CMTM4: variants seen among roughly 807,000 people sequenced by gnomAD.
The protein encoded by CMTM4 is CKLF-like MARVEL transmembrane domain-containing protein 4.
A neutral mutation model predicts 19.0 loss-of-function variants in CMTM4; 8 were observed. That is an observed-to-expected ratio of 0.42 (90% CI 0.25 to 0.76). The LOEUF (loss-of-function observed/expected upper bound fraction) is 0.76. CMTM4 is among the 30% of genes least tolerant of loss of function. The pLI is 0.27. For synonymous variants in CMTM4, 106 were observed against 121.1 expected (o/e 0.88, Z 0.82); for missense variants, 228 against 290.2 (o/e 0.79, Z 1.56).
chr16:66,683,188 T>TAC (rs1414584287), intron 1 of CMTM4, among the ~76,000 whole-genome samples: 1 of 95,914 alleles, frequency 1.0e-5, no homozygotes, highest in Non-Finnish European at 2.3e-5. Context: ...TATGTATATA[T>TAC]ATATACATAT....
intron 1 of CMTM4, among the ~76,000 whole-genome samples, chr16:66,692,337 AC>A (rs1052004874): frequency 1.2e-4 from 18 of 152,092 alleles, no homozygotes; most frequent in African/African-American, 4.3e-4. Context: ...TGATCCAGCC[AC>A]CTCGGACTCC....
chr16:66,695,178 C>T (rs190644042), intron 1 of CMTM4, among the ~76,000 whole-genome samples: 1 of 152,242 alleles, frequency 6.6e-6, no homozygotes, highest in East Asian at 1.9e-4. Flanking sequence ...GAAACCCCAT[C>T]TCTACTAAAA....
chr16:66,599,481 C>T, the CMTM4 span, among the ~76,000 whole-genome samples: 1 of 147,446 alleles, frequency 6.8e-6, no homozygotes, highest in African/African-American at 2.5e-5. Context: ...GTTTTGTTTG[C>T]TTGTTGTTTG....
intron 2 of CMTM4, among the ~76,000 whole-genome samples, chr16:66,626,711 T>C (rs2015746645): frequency 1.4e-5 from 2 of 146,350 alleles, no homozygotes; most frequent in South Asian, 4.3e-4. Context: ...CAGAGGTTGC[T>C]GTGAGCCCAG....
At chr16:66,672,637 T>C (rs1361556446) in intron 1 of CMTM4, among the ~76,000 whole-genome samples, 1 of 151,546 alleles carries the variant, frequency 6.6e-6, no homozygotes, top group African/African-American at 2.4e-5. Flanking sequence ...TACACTTTTG[T>C]TTTTTTTGAG....
chr16:66,689,226 C>G (rs1243002118), intron 1 of CMTM4, among the ~76,000 whole-genome samples: 3 of 152,194 alleles, frequency 2.0e-5, no homozygotes, highest in Admixed American at 6.5e-5. Flanking sequence ...AGCATTCATT[C>G]TTTCCCCACT....
In CMTM4 at chr16:66,687,684, T is replaced by A. The variant is rs11640234; in HGVS notation, c.186+8656A>T. Among the ~76,000 whole-genome samples, 398 of 41,240 alleles carry A rather than the reference T, an allele frequency of 9.7e-3. 17 individuals carry two copies. Among genetic ancestry groups the A allele is most frequent in the South Asian group, 0.037 (37 of 1,002 alleles). The allele number at this position is 41,240 out of a possible 152,430, so 27.1% of individuals were successfully genotyped here. ...AACCAAATACCGTAAAAAGGGTAAT[T>A]TTTTTTTTTTTTTTTTTTTTTGAGA... On this transcript the variant is annotated intron_variant, in intron 1 of 3. Transcript: ENST00000394106.
At chr16:66,664,364 T>C (rs937253716) in intron 1 of CMTM4, among the ~76,000 whole-genome samples, 2 of 152,122 alleles carry the variant, frequency 1.3e-5, no homozygotes, top group Non-Finnish European at 2.9e-5. Context: ...ACTTGGAATA[T>C]CAGTAGTGAA....
chr16:66,658,219 G>C (rs527284901), intron 1 of CMTM4, among the ~76,000 whole-genome samples: 102 of 149,404 alleles, frequency 6.8e-4, no homozygotes, highest in African/African-American at 2.5e-3. Context: ...AAGGGAGGTA[G>C]GGAGGGAGGG....
At chr16:66,607,605 T>C in the CMTM4 span, among the ~76,000 whole-genome samples, 1 of 152,220 alleles carries the variant, frequency 6.6e-6, no homozygotes, top group Non-Finnish European at 1.5e-5. Context: ...CAAGGTGAAA[T>C]CTACATTCAG....
chr16:66,683,714 C>CA (rs772872189), intron 1 of CMTM4, among the ~76,000 whole-genome samples: 12 of 151,798 alleles, frequency 7.9e-5, no homozygotes, highest in Non-Finnish European at 1.8e-4. Context: ...GCTGACCTTC[C>CA]AGCTGGATGG....
Position 66,618,001 on chromosome 16 carries a change from C to A in CMTM4, c.*4057G>T. The A allele has an allele frequency of 1.0e-6, 1 of 985,634 alleles. No individual in the cohort carries two copies. The highest frequency in any genetic ancestry group is 1.2e-6 in the Non-Finnish European group (1 of 830,094). The allele number at this position is 985,634 out of a possible 1,614,324, so 61.1% of individuals were successfully genotyped here. On this transcript the variant is annotated 3_prime_UTR_variant, in exon 4 of 4. Coordinates refer to ENST00000394106, the MANE Select transcript of CMTM4 (RefSeq NM_181521.3). The stretch of plus-strand genomic sequence containing the variant: ...TAGCAGACAGGTGGGGTGTTCCAGG[C>A]CACTGCTTCCTCCCTTATCTCCCAG...
chr16:66,689,478 C>G (rs1341700137), intron 1 of CMTM4, among the ~76,000 whole-genome samples: 1 of 152,102 alleles, frequency 6.6e-6, no homozygotes, highest in South Asian at 2.1e-4. Flanking sequence ...GTGGCACGAT[C>G]GCGGCTCACC....
chr16:66,643,856 C>T (rs765511319), intron 1 of CMTM4, among the ~76,000 whole-genome samples: 10 of 152,260 alleles, frequency 6.6e-5, no homozygotes, highest in South Asian at 2.1e-4. Context: ...CGGGTTCAAG[C>T]GATTCTCCTG....
chr16:66,604,906 G>C, the CMTM4 span: 1 of 1,464,808 alleles, frequency 6.8e-7, no homozygotes, highest in Non-Finnish European at 9.0e-7. Context: ...CTGCCGGCGC[G>C]GGCTTTCCTC....
At chr16:66,606,607 C>T in the CMTM4 span, among the ~76,000 whole-genome samples, 1 of 152,160 alleles carries the variant, frequency 6.6e-6, no homozygotes, top group Non-Finnish European at 1.5e-5. Context: ...CCACTAGAAA[C>T]TACTCAGCCA....
At chr16:66,672,144 C>G (rs2016718838) in intron 1 of CMTM4, among the ~76,000 whole-genome samples, 1 of 151,956 alleles carries the variant, frequency 6.6e-6, no homozygotes, top group Non-Finnish European at 1.5e-5. Flanking sequence ...GGGCACAGTG[C>G]CTCATGCCTG....
At chr16:66,694,419 G>C (rs947495763) in intron 1 of CMTM4, among the ~76,000 whole-genome samples, 3 of 151,984 alleles carry the variant, frequency 2.0e-5, no homozygotes, top group Non-Finnish European at 4.4e-5. Flanking sequence ...CTTTTAAAAG[G>C]CAATTGCAGG....
intron 2 of CMTM4, 90 bp from the exon 3 acceptor site, chr16:66,623,592 G>A (rs12446021): frequency 0.13 from 106,383 of 817,672 alleles, 7,907 homozygotes; most frequent in Non-Finnish European, 0.16. Context: ...TAAGACCCAC[G>A]ATACCCAACC....
Sources: gnomAD v4.1 joint callset for allele counts (sites outside exome capture counted in the v4.1 genomes callset) on GRCh38, gnomAD v4.1.1 for gene constraint, MANE v1.5 for transcripts, NCBI Gene and HGNC (gene_info 2026-07-23, HGNC 2026-07-21) for gene names.